LY6H: variants seen among roughly 807,000 people sequenced by gnomAD.
LY6H encodes the protein lymphocyte antigen 6 family member H.
In LY6H, 8 loss-of-function variants were observed where a neutral mutation model predicts 14.6. The ratio of observed to expected loss-of-function variants is 0.55; its 90% CI spans 0.32 to 0.99. LY6H has a LOEUF of 0.99. Ranked by LOEUF, LY6H falls within the 50% of genes least tolerant of loss-of-function variation. LY6H has a pLI of 0.04. For synonymous variants in LY6H, 115 were observed against 97.2 expected, an observed-to-expected ratio of 1.18 and a Z score of -1.08; for missense variants, 196 against 219.6, an observed-to-expected ratio of 0.89 and a Z score of 0.68.
Position 143,160,188 on chromosome 8 carries a change from GCTCA to G in LY6H, c.2+6_2+9del, listed in dbSNP as rs747097415. ...GGAGCGCGGGCCTCGGGGTCGGGGG[GCTCA>G]CTCACATCCCGGGGGTGTCCGCACT... On this transcript the variant is annotated splice_donor_region_variant and intron_variant, in intron 1 of 3. Transcript: ENST00000342752. 35 of 1,284,628 alleles carry G rather than the reference GCTCA, an allele frequency of 2.7e-5. No individual in the cohort carries two copies. The Admixed American group carries it at 8.4e-4, about 31-fold the overall frequency. The allele number at this position is 1,284,628 out of a possible 1,614,324, so 79.6% of individuals were successfully genotyped here. A position where few individuals can be genotyped will look rare whatever the true frequency, so the allele number is the denominator to read the frequency against.
At position 143,160,296 on chromosome 8, in the gene LY6H, G is replaced by A; in HGVS notation, c.-97C>T. On this transcript the variant is annotated 5_prime_UTR_variant, in exon 1 of 4. It adds an upstream start codon to the 5' untranslated region. Coordinates refer to ENST00000342752, the MANE Select transcript of LY6H (RefSeq NM_001135655.2). ...CGGACCGGAATCCGGGCGCAGCCTCGTCTTTCGGGGAACGCAGCCGCAGAC... is the reference window on the plus strand; with the variant it reads ...CGGACCGGAATCCGGGCGCAGCCTCATCTTTCGGGGAACGCAGCCGCAGAC... The A allele has an allele frequency of 4.8e-6, 5 of 1,050,506 alleles. No homozygotes were observed. Among genetic ancestry groups the A allele is most frequent in the Non-Finnish European group, 6.1e-6 (5 of 820,552 alleles). The allele number at this position is 1,050,506 out of a possible 1,614,324, so 65.1% of individuals were successfully genotyped here. A position where few individuals can be genotyped will look rare whatever the true frequency, so the allele number is the denominator to read the frequency against.
rs567949878 is a variant in LY6H at position 143,159,410 on chromosome 8, C to T, written c.130+172G>A. 120 of 719,710 alleles carry T rather than the reference C, an allele frequency of 1.7e-4. No individual in the cohort carries two copies. In the African/African-American group the frequency reaches 2.0e-3, roughly 12 times the overall value. The allele number at this position is 719,710 out of a possible 1,614,324, so 44.6% of individuals were successfully genotyped here. A position where few individuals can be genotyped will look rare whatever the true frequency, so the allele number is the denominator to read the frequency against. On this transcript the variant is annotated intron_variant, in intron 2 of 3. Transcript: ENST00000342752. ...AAGAGCGCTGGAGAGAGCCCAGTGC[C>T]GGGGCAGAGGGGCCGAGGGCCGGGC...
chr8:143,158,806 T>C lies in LY6H; in HGVS notation c.247A>G (p.Ser83Gly). ...CASVRITDPS[S>G]SRKDHSVNKM... ...ACCACCCTAAGTCCCAACTTACTGCTGCTGGGATCGGTGATTCGGACACTG... is the reference window on the plus strand; with the variant it reads ...ACCACCCTAAGTCCCAACTTACTGCCGCTGGGATCGGTGATTCGGACACTG... The change falls in exon 3 of 4, where the codon AGC (serine) becomes GGC (glycine). Residue 83 changes from serine (S) to glycine (G), a missense_variant. Transcript: ENST00000342752. 4 of 1,586,700 alleles carry C rather than the reference T, an allele frequency of 2.5e-6. No homozygotes were observed. The highest frequency in any genetic ancestry group is 3.4e-6 in the Non-Finnish European group (4 of 1,161,870).
intron 1 of LY6H, 35 bp downstream of exon 1, chr8:143,160,163 G>A: frequency 7.8e-7 from 1 of 1,276,250 alleles, no homozygotes; most frequent in South Asian, 3.4e-5. Context: ...GATGGGGCGT[G>A]GAGCGCGGGC....
rs756833308 is a variant in LY6H, at chr8:143,158,474, G to T, written c.262C>A (p.His88Asn). The T allele has an allele frequency of 6.2e-7, 1 of 1,612,690 alleles. No individual in the cohort carries two copies. The highest frequency in any genetic ancestry group is 1.1e-5 in the South Asian group (1 of 91,062). Reference protein sequence around the residue: ...ITDPSSSRKDHSVNKMCASSC... With the variant: ...ITDPSSSRKDNSVNKMCASSC... ...GAGGCACACATCTTGTTCACCGAGT[G>T]ATCCTTCCTGCCTGGGAAGAGAAAG... The change falls in exon 4 of 4, where the codon CAC becomes AAC. Residue 88 changes from histidine to asparagine, a missense_variant. Transcript: ENST00000342752.
chr8:143,160,176 CG>C, intron 1 of LY6H, 21 bp downstream of exon 1: 1 of 1,282,550 alleles, frequency 7.8e-7, no homozygotes, highest in East Asian at 2.9e-5. Flanking sequence ...GCGCGGGCCT[CG>C]GGGTCGGGGG....
chr8:143,160,283 C>G lies in LY6H; in HGVS notation c.-84G>C. On this transcript the variant is annotated 5_prime_UTR_variant, in exon 1 of 4. Coordinates refer to ENST00000342752, the MANE Select transcript of LY6H (RefSeq NM_001135655.2). ...TTCGGTCTCCCTGCGGACCGGAATCCGGGCGCAGCCTCGTCTTTCGGGGAA... is the reference window on the plus strand; with the variant it reads ...TTCGGTCTCCCTGCGGACCGGAATCGGGGCGCAGCCTCGTCTTTCGGGGAA... The G allele has an allele frequency of 8.8e-7, 1 of 1,138,012 alleles. No homozygotes were observed. 70.5% of individuals were successfully genotyped at this position (1,138,012 alleles called of 1,614,324 possible).
intron 2 of LY6H, 139 bp from the exon 3 acceptor site, chr8:143,159,061 C>A: frequency 8.2e-7 from 1 of 1,221,676 alleles, no homozygotes; most frequent in Non-Finnish European, 1.2e-6. Flanking sequence ...GCCCCCATGA[C>A]CCCTGGAGGG....
chr8:143,159,431 C>T (rs1815538459), intron 2 of LY6H, 151 bp downstream of exon 2: 1 of 877,576 alleles, frequency 1.1e-6, no homozygotes, highest in Non-Finnish European at 1.6e-6. Flanking sequence ...GGCCGAGGGC[C>T]GGGCTGGGGT....
Position 143,158,148 on chromosome 8 carries a change from C to T in LY6H, c.*102G>A. Reference sequence around the variant, plus strand: ...AGAGCCACAGGCCACAGCCACGGAGCTGGGCCAAGGCTGCCCCCAGCCCCA... The same window carrying T: ...AGAGCCACAGGCCACAGCCACGGAGTTGGGCCAAGGCTGCCCCCAGCCCCA... On this transcript the variant is annotated 3_prime_UTR_variant, in exon 4 of 4. Coordinates refer to ENST00000342752, the MANE Select transcript of LY6H (RefSeq NM_001135655.2). 1.3e-6 allele frequency: 1 copy of T among 759,344 alleles called. No individual in the cohort carries two copies. Among genetic ancestry groups the T allele is most frequent in the South Asian group, 1.8e-5 (1 of 54,936 alleles). The allele number at this position is 759,344 out of a possible 1,614,324, so 47.0% of individuals were successfully genotyped here. A position where few individuals can be genotyped will look rare whatever the true frequency, so the allele number is the denominator to read the frequency against.
chr8:143,160,102 G>C, intron 1 of LY6H, 96 bp downstream of exon 1: 3 of 1,078,182 alleles, frequency 2.8e-6, no homozygotes, highest in Non-Finnish European at 2.4e-6. Flanking sequence ...CGGGAACCCC[G>C]GGCCGAGTCC....
At position 143,158,797 on chromosome 8, in the gene LY6H, A is replaced by G. The variant is rs748170871; in HGVS notation, c.250+6T>C. 2.3e-5 allele frequency: 37 copies of G among 1,578,726 alleles called. No individual in the cohort carries two copies. Among genetic ancestry groups the G allele is most frequent in the Non-Finnish European group, 3.2e-5 (37 of 1,157,672 alleles). On this transcript the variant is annotated splice_donor_region_variant and intron_variant, in intron 3 of 3. Transcript: ENST00000342752. Reference sequence around the variant, plus strand: ...ACATTCCCCACCACCCTAAGTCCCAACTTACTGCTGCTGGGATCGGTGATT... The same window carrying G: ...ACATTCCCCACCACCCTAAGTCCCAGCTTACTGCTGCTGGGATCGGTGATT...
At position 143,157,943 on chromosome 8, in the gene LY6H, C is replaced by T; in HGVS notation, c.*307G>A. On this transcript the variant is annotated 3_prime_UTR_variant, in exon 4 of 4. Coordinates refer to ENST00000342752, the MANE Select transcript of LY6H (RefSeq NM_001135655.2). ...AGGACTCAAAAGTGACTTTATTTCTCCGCAGAAGACGCCCTTCCAGCTGGG... is the reference window on the plus strand; with the variant it reads ...AGGACTCAAAAGTGACTTTATTTCTTCGCAGAAGACGCCCTTCCAGCTGGG... 2.5e-6 allele frequency: 1 copy of T among 405,308 alleles called. No individual in the cohort carries two copies. The highest frequency in any genetic ancestry group is 6.6e-5 in the South Asian group (1 of 15,188). The allele number at this position is 405,308 out of a possible 1,614,324, so 25.1% of individuals were successfully genotyped here. A position where few individuals can be genotyped will look rare whatever the true frequency, so the allele number is the denominator to read the frequency against.
At chr8:143,159,101 C>T in intron 2 of LY6H, 179 bp from the exon 3 acceptor site, 1 of 844,604 alleles carries the variant, frequency 1.2e-6, no homozygotes, top group East Asian at 2.7e-5. Flanking sequence ...AACTGTGCCC[C>T]ATCCTGGCAG....
chr8:143,158,262 CCA>C lies in LY6H; in HGVS notation c.472_473del (p.Trp158GlyfsTer53). 1 of 1,611,856 alleles carries C rather than the reference CCA, an allele frequency of 6.2e-7. No homozygotes were observed. The highest frequency in any genetic ancestry group is 8.5e-7 in the Non-Finnish European group (1 of 1,178,804). On this transcript the variant is annotated frameshift_variant, in exon 4 of 4. Transcript: ENST00000342752. LOFTEE classifies it high-confidence loss of function. ...LLLSLGPALL[W>X]AGP The stretch of plus-strand genomic sequence containing the variant: ...GAAGGAGGAGACATCAGGGCCCAGC[CCA>C]GAGGAGGGCAGGCCCCAGGCTGAGC...
In LY6H at chr8:143,159,566, C is replaced by A. The variant is rs1207387599; in HGVS notation, c.130+16G>T. ...TCTCCCAGGCACCTGACCCAGCCCG[C>A]GGGCCCCCTACTCACCGGGCGCCGA... On this transcript the variant is annotated intron_variant, in intron 2 of 3. Coordinates refer to ENST00000342752, the MANE Select transcript of LY6H (RefSeq NM_001135655.2). The A allele has an allele frequency of 2.0e-6, 3 of 1,494,610 alleles. No individual in the cohort carries two copies. In the South Asian group the frequency reaches 3.7e-5, roughly 19 times the overall value. The allele number at this position is 1,494,610 out of a possible 1,614,324, so 92.6% of individuals were successfully genotyped here. A position where few individuals can be genotyped will look rare whatever the true frequency, so the allele number is the denominator to read the frequency against.
chr8:143,158,216 G>A lies in LY6H; in HGVS notation c.*34C>T, dbSNP rs1337971748. The stretch of plus-strand genomic sequence containing the variant: ...AGAGGGCAGCCACAGGCTCAGGGGA[G>A]CAAGCTCAGAAGCCCCGTGGGAAGG... On this transcript the variant is annotated 3_prime_UTR_variant, in exon 4 of 4. Transcript: ENST00000342752. 3.3e-6 allele frequency: 5 copies of A among 1,508,806 alleles called. No homozygotes were observed. Among genetic ancestry groups the A allele is most frequent in the Non-Finnish European group, 4.5e-6 (5 of 1,100,076 alleles). 93.5% of individuals were successfully genotyped at this position (1,508,806 alleles called of 1,614,324 possible). A position where few individuals can be genotyped will look rare whatever the true frequency, so the allele number is the denominator to read the frequency against.
At chr8:143,160,369 G>T (rs1293553587), upstream of LY6H, 10 of 292,130 alleles carry the variant, frequency 3.4e-5, no homozygotes, top group East Asian at 6.7e-4. Context: ...GGGGCCGCGC[G>T]GGGGGCGGGG....
At chr8:143,159,413 G>GAAGAGCGCTGGAGAGA in intron 2 of LY6H, 169 bp downstream of exon 2, 1 of 735,074 alleles carries the variant, frequency 1.4e-6, no homozygotes, top group South Asian at 2.2e-5. Flanking sequence ...CCAGTGCCGG[G>GAAGAGCGCTGGAGAGA]GCAGAGGGGC....
Sources: allele counts gnomAD v4.1 joint callset, GRCh38; gene constraint gnomAD v4.1.1; transcripts MANE v1.5; gene names NCBI Gene and HGNC (gene_info 2026-07-23, HGNC 2026-07-21).